Variants in ZGRF1 observed in about 807,000 individuals in gnomAD.
ZGRF1 encodes 5'-3' DNA helicase ZGRF1.
ZGRF1 carries 196 observed loss-of-function variants against 203.5 expected under a neutral mutation model. That is an observed-to-expected ratio of 0.96 (90% confidence interval 0.86 to 1.08). The LOEUF is 1.08. Ranked by LOEUF, ZGRF1 falls within the 50% of genes least tolerant of loss-of-function variation. The pLI, the probability that ZGRF1 is intolerant of heterozygous loss-of-function variation, is 0.00. For missense variants in ZGRF1, 2,326 were observed against 2,416.3 expected (o/e 0.96, Z 0.78); for synonymous variants, 809 against 841.3 (o/e 0.96, Z 0.66).
chr4:112,597,575 C>T (rs1164088501), intron 10 of ZGRF1, among the ~76,000 whole-genome samples: 1 of 151,634 alleles, frequency 6.6e-6, no homozygotes, highest in Non-Finnish European at 1.5e-5. Flanking sequence ...AGAGAAGGCA[C>T]TGCTAAATTT....
rs369218986 is a variant in ZGRF1 at position 112,548,223 on chromosome 4, T to C, written c.5474+30A>G. The C allele has an allele frequency of 9.2e-5, 143 of 1,550,406 alleles. No individual in the cohort carries two copies. The South Asian group carries it at 1.2e-3, about 13-fold the overall frequency. ...CCTAAAGTGCTAGGATTACAGGTATTACCCCTGGGGAAAGAATCTTTTAGG... is the reference window on the plus strand; with the variant it reads ...CCTAAAGTGCTAGGATTACAGGTATCACCCCTGGGGAAAGAATCTTTTAGG... On this transcript the variant is annotated intron_variant, in intron 23 of 27. Coordinates refer to ENST00000505019, the MANE Select transcript of ZGRF1 (RefSeq NM_018392.5).
chr4:112,620,219 C>T lies in ZGRF1; in HGVS notation c.163-29G>A, dbSNP rs1412480394. On this transcript the variant is annotated intron_variant, in intron 4 of 27. Transcript: ENST00000505019. ...AAAGAATAAATGTCAAAATCACATA[C>T]ATCTAATTATTTGATTATCTATGTA... The T allele has an allele frequency of 3.2e-6, 5 of 1,548,030 alleles. No homozygotes were observed. The East Asian group carries it at 9.1e-5, about 28-fold the overall frequency.
At position 112,619,949 on chromosome 4, in the gene ZGRF1, G is replaced by A. The variant is rs954276088; in HGVS notation, c.351+53C>T. 34 of 1,377,756 alleles carry A rather than the reference G, an allele frequency of 2.5e-5. No homozygotes were observed. In the Middle Eastern group the frequency reaches 7.8e-4, roughly 32 times the overall value. The allele number at this position is 1,377,756 out of a possible 1,614,324, so 85.3% of individuals were successfully genotyped here. The stretch of plus-strand genomic sequence containing the variant: ...ATAACTTCAAAATTCACTACTTTTC[G>A]AGACAATTTTATAAATATATTTTGA... On this transcript the variant is annotated intron_variant, in intron 5 of 27. Coordinates refer to ENST00000505019, the MANE Select transcript of ZGRF1 (RefSeq NM_018392.5).
chr4:112,547,532 A>G, intron 23 of ZGRF1, 124 bp from the exon 24 acceptor site: 1 of 849,914 alleles, frequency 1.2e-6, no homozygotes, highest in Non-Finnish European at 1.8e-6. Context: ...CTGAGTACTA[A>G]TAAAGCTTAG....
chr4:112,589,375 A>C (rs1223973204), intron 11 of ZGRF1, among the ~76,000 whole-genome samples: 5 of 152,178 alleles, frequency 3.3e-5, no homozygotes, highest in African/African-American at 1.2e-4. Flanking sequence ...GGTGTTGATG[A>C]GACACTTGCA....
chr4:112,632,322 A>T (rs1490964955), intron 2 of ZGRF1, among the ~76,000 whole-genome samples: 1 of 152,094 alleles, frequency 6.6e-6, no homozygotes, highest in Non-Finnish European at 1.5e-5. Context: ...AAAAAAGATA[A>T]ATGAGCATTG....
intron 16 of ZGRF1, among the ~76,000 whole-genome samples, chr4:112,569,466 A>T (rs1347121160): frequency 2.0e-5 from 3 of 152,164 alleles, no homozygotes; most frequent in African/African-American, 7.2e-5. Flanking sequence ...AAGTTTGTGG[A>T]CCAGAACCAG....
At chr4:112,553,423 T>C (rs1039827233) in intron 22 of ZGRF1, among the ~76,000 whole-genome samples, 2 of 152,238 alleles carry the variant, frequency 1.3e-5, no homozygotes, top group Non-Finnish European at 2.9e-5. Flanking sequence ...TTGGCTTTCT[T>C]GGAGAGCATC....
intron 24 of ZGRF1, among the ~76,000 whole-genome samples, chr4:112,543,637 A>C (rs1358140801): frequency 1.3e-5 from 2 of 152,196 alleles, no homozygotes; most frequent in Admixed American, 6.5e-5. Flanking sequence ...TAAAACAGGG[A>C]GGGAAAATGT....
intron 3 of ZGRF1, 115 bp from the exon 4 acceptor site, chr4:112,623,991 C>T (rs1188435343): frequency 4.8e-6 from 3 of 625,232 alleles, no homozygotes; most frequent in Non-Finnish European, 8.5e-6. Context: ...GAAAGGATTA[C>T]ATTTGTTGAA....
At chr4:112,628,309 CAAAG>C (rs1438152783) in intron 3 of ZGRF1, among the ~76,000 whole-genome samples, 3 of 152,074 alleles carry the variant, frequency 2.0e-5, no homozygotes, top group African/African-American at 4.8e-5. Flanking sequence ...CCCCATTTTA[CAAAG>C]AAAGAACAGA....
chr4:112,560,769 G>C lies in ZGRF1; in HGVS notation c.4924C>G (p.Leu1642Val). 1 of 1,598,882 alleles carries C rather than the reference G, an allele frequency of 6.3e-7. No homozygotes were observed. Among genetic ancestry groups the C allele is most frequent in the Non-Finnish European group, 8.6e-7 (1 of 1,167,552 alleles). ...SHESIEEVKELQTHTFPITII... is the reference protein window; with the variant it reads ...SHESIEEVKEVQTHTFPITII... ...GTGATAGGGAAGGTATGAGTTTGCA[G>C]TTCCTTCACTTCTTCAATGCTTTCA... Residue 1642 changes from leucine (L) to valine (V), a missense_variant, in exon 19 of 28, where the codon CTG becomes GTG. Coordinates refer to ENST00000505019, the MANE Select transcript of ZGRF1 (RefSeq NM_018392.5).
chr4:112,574,202 G>A (rs2148955766), intron 16 of ZGRF1, among the ~76,000 whole-genome samples: 1 of 152,148 alleles, frequency 6.6e-6, no homozygotes, highest in East Asian at 1.9e-4. Flanking sequence ...GTTCACAATG[G>A]TAAAACTTAG....
chr4:112,615,014 G>A (rs1410437468), intron 6 of ZGRF1, among the ~76,000 whole-genome samples: 1 of 152,064 alleles, frequency 6.6e-6, no homozygotes, highest in African/African-American at 2.4e-5. Flanking sequence ...GGTTCTTTAA[G>A]CAGAAACATA....
intron 10 of ZGRF1, among the ~76,000 whole-genome samples, chr4:112,602,776 G>A (rs1750174257): frequency 6.6e-6 from 1 of 152,072 alleles, no homozygotes; most frequent in Admixed American, 6.6e-5. Context: ...AAACAAAAGA[G>A]GGCAGACACA....
In ZGRF1 at chr4:112,618,955, A is replaced by G; in HGVS notation, c.1087T>C (p.Leu363=). The change falls in exon 6 of 28, where the codon TTG becomes CTG. Residue 363 remains leucine (L), a synonymous_variant. Coordinates refer to ENST00000505019, the MANE Select transcript of ZGRF1 (RefSeq NM_018392.5). ...ATTTTTTGTAATGAAAGGTCTTTCA[A>G]ATTAGAATTTACATCATCTTCCTGG... ...KAQEDDVNSN[L]KDLSLQKIIQ... The G allele has an allele frequency of 6.2e-7, 1 of 1,613,780 alleles. No individual in the cohort carries two copies. Among genetic ancestry groups the G allele is most frequent in the Non-Finnish European group, 8.5e-7 (1 of 1,179,896 alleles).
intron 3 of ZGRF1, among the ~76,000 whole-genome samples, chr4:112,627,014 C>T (rs1157192190): frequency 6.6e-6 from 1 of 152,098 alleles, no homozygotes; most frequent in East Asian, 1.9e-4. Flanking sequence ...CCACGTTAAC[C>T]AGGCTGGCCT....
At chr4:112,623,945 G>A (rs1280772484) in intron 3 of ZGRF1, 69 bp from the exon 4 acceptor site, 30 of 774,728 alleles carry the variant, frequency 3.9e-5, no homozygotes, top group Middle Eastern at 2.3e-4. Flanking sequence ...TTCTTCAAGA[G>A]GAAATAAGTA....
chr4:112,620,295 T>C (rs2047021747), intron 4 of ZGRF1, 105 bp from the exon 5 acceptor site: 2 of 695,800 alleles, frequency 2.9e-6, no homozygotes, highest in South Asian at 2.6e-5. Flanking sequence ...AATAAATAGG[T>C]GTTGAACGAA....
Sources: allele counts gnomAD v4.1 joint callset (sites outside exome capture counted in the v4.1 genomes callset), GRCh38; gene constraint gnomAD v4.1.1; transcripts MANE v1.5; gene names NCBI Gene and HGNC (gene_info 2026-07-23, HGNC 2026-07-21).